The following C5 variants were observed in gnomAD, a reference collection of about 807,000 sequenced individuals.
The protein encoded by C5 is complement C5.
C5 carries 140 observed loss-of-function variants against 218.8 expected under a neutral mutation model. The ratio of observed to expected loss-of-function variants is 0.64; its 90% CI spans 0.56 to 0.74. The LOEUF is 0.74. Ranked by LOEUF, C5 falls within the 30% of genes least tolerant of loss-of-function variation. The probability of loss-of-function intolerance (pLI) is 0.00; values close to 1 mark genes in which losing one functional copy is unlikely to be tolerated. For synonymous variants in C5, 614 were observed against 682.3 expected (o/e 0.90, Z 1.56); for missense variants, 1,700 against 1,969.6 (o/e 0.86, Z 2.59).
At position 121,050,223 on chromosome 9, in the gene C5, A is replaced by C; in HGVS notation, c.24T>G (p.Cys8Trp). The C allele has an allele frequency of 6.2e-7, 1 of 1,613,988 alleles. No homozygotes were observed. The highest frequency in any genetic ancestry group is 8.5e-7 in the Non-Finnish European group (1 of 1,179,864). Residue 8 changes from cysteine to tryptophan, a missense_variant, in exon 1 of 41, where the codon TGT becomes TGG. Cys to Trp is a radical substitution (Grantham distance 215). Transcript: ENST00000223642. MGLLGIL[C>W]FLIFLGKTWG... ...AGGTTTTCCCCAGGAAGATTAAAAA[A>C]CAAAGTATTCCCAAAAGGCCCATGG...
chr9:121,045,190 C>T (rs538177802), intron 2 of C5, among the ~76,000 whole-genome samples: 1 of 152,100 alleles, frequency 6.6e-6, no homozygotes, highest in East Asian at 1.9e-4. Flanking sequence ...GCATTTACTG[C>T]TAAGAACATT....
At position 120,963,043 on chromosome 9, in the gene C5, T is replaced by A; in HGVS notation, c.4324-76A>T. The A allele has an allele frequency of 4.6e-6, 5 of 1,076,896 alleles. 1 individual carries two copies. The highest frequency in any genetic ancestry group is 2.5e-5 in the South Asian group (2 of 80,446). The allele number at this position is 1,076,896 out of a possible 1,614,324, so 66.7% of individuals were successfully genotyped here. On this transcript the variant is annotated intron_variant, in intron 34 of 40. Coordinates refer to ENST00000223642, the MANE Select transcript of C5 (RefSeq NM_001735.3). ...TAAATGCATTCACCTGTTGATGAGA[T>A]AGCACAATGCAGGGATGTGATCTGT...
Position 121,027,210 on chromosome 9 carries a change from A to C in C5, c.823T>G (p.Leu275Val). The change falls in exon 8 of 41, where the codon TTA becomes GTA. Residue 275 changes from leucine (L) to valine (V), a missense_variant. By Grantham distance (32) the Leu-to-Val change is conservative (BLOSUM62 1). Coordinates refer to ENST00000223642, the MANE Select transcript of C5 (RefSeq NM_001735.3). ...ATCATTTCTTTTTGATCATCTTTTA[A>C]GTCTTCTCTTATTCCAAATGTGATA... ...VYITFGIRED[L>V]KDDQKEMMQT... 1 of 1,604,108 alleles carries C rather than the reference A, an allele frequency of 6.2e-7. No homozygotes were observed. Among genetic ancestry groups the C allele is most frequent in the African/African-American group, 1.3e-5 (1 of 74,908 alleles).
intron 5 of C5, 145 bp downstream of exon 5, chr9:121,034,658 T>G: frequency 1.7e-6 from 1 of 599,546 alleles, no homozygotes; most frequent in Non-Finnish European, 3.0e-6. Flanking sequence ...GAACAGAGCT[T>G]AAGTTCTTGC....
chr9:120,960,378 AG>A, intron 37 of C5, 41 bp from the exon 38 acceptor site: 1 of 1,315,576 alleles, frequency 7.6e-7, no homozygotes, highest in Non-Finnish European at 1.1e-6. Flanking sequence ...GTTAATGGAA[AG>A]AAGTAGACAC....
chr9:121,062,900 C>G, the C5 span, among the ~76,000 whole-genome samples: 49 of 152,144 alleles, frequency 3.2e-4, no homozygotes, highest in East Asian at 9.4e-3. Context: ...TCAAGATTAT[C>G]TCTTCATCTT....
intron 34 of C5, 132 bp downstream of exon 34, chr9:120,963,504 C>CA (rs111500884): frequency 0.055 from 33,227 of 603,974 alleles, 2 homozygotes; most frequent in East Asian, 0.093. Context: ...AATCCACCTC[C>CA]AAAAAAAAAA....
At position 120,970,190 on chromosome 9, in the gene C5, AT is replaced by A; in HGVS notation, c.4141del (p.Ile1381SerfsTer22). 1 of 1,613,080 alleles carries A rather than the reference AT, an allele frequency of 6.2e-7. No homozygotes were observed. Among genetic ancestry groups the A allele is most frequent in the Non-Finnish European group, 8.5e-7 (1 of 1,179,162 alleles). Reference protein sequence around the residue: ...SEEVCSFYLKIDTQDIEASHY... With the variant: ...SEEVCSFYLKXDTQDIEASHY... ...TTTACCTTCAATATCCTGAGTATCG[AT>A]TTTCAAATAAAAGCTGCAAACTTCC... On this transcript the variant is annotated frameshift_variant, in exon 32 of 41. Coordinates refer to ENST00000223642, the MANE Select transcript of C5 (RefSeq NM_001735.3). LOFTEE classifies it high-confidence loss of function.
At chr9:120,985,998 T>C (rs2047030064) in intron 25 of C5, among the ~76,000 whole-genome samples, 1 of 152,188 alleles carries the variant, frequency 6.6e-6, no homozygotes, top group Admixed American at 6.5e-5. Context: ...TGCTGACCTG[T>C]ACGTAGCTAA....
At chr9:121,031,043 C>A (rs984053693) in intron 6 of C5, among the ~76,000 whole-genome samples, 3 of 152,000 alleles carry the variant, frequency 2.0e-5, no homozygotes, top group African/African-American at 7.2e-5. Context: ...AGCCTGTAAT[C>A]TTTAAGGTTG....
chr9:121,035,864 G>A lies in C5; in HGVS notation c.493-970C>T, dbSNP rs564675343. Among the ~76,000 whole-genome samples the A allele has an allele frequency of 9.2e-5, 14 of 152,068 alleles. No individual in the cohort carries two copies. The East Asian group carries it at 2.5e-3, about 27-fold the overall frequency. On this transcript the variant is annotated intron_variant, in intron 4 of 40. Coordinates refer to ENST00000223642, the MANE Select transcript of C5 (RefSeq NM_001735.3). ...GTGCTGGGATTACAATTACAGGCAT[G>A]AGTCACTGACCAGCCTACAAAAAAA...
intron 25 of C5, among the ~76,000 whole-genome samples, chr9:120,987,886 G>A (rs2047045955): frequency 6.6e-6 from 1 of 151,912 alleles, no homozygotes; most frequent in African/African-American, 2.4e-5. Context: ...CTTGCCTCCT[G>A]GGTTTAAGTG....
intron 39 of C5, 107 bp downstream of exon 39, chr9:120,957,178 C>T: frequency 3.7e-6 from 3 of 802,184 alleles, no homozygotes. Flanking sequence ...AAGGCAAGAG[C>T]TCTGTCTTAT....
chr9:120,965,344 A>C (rs2046859206), intron 33 of C5, among the ~76,000 whole-genome samples: 2 of 151,988 alleles, frequency 1.3e-5, no homozygotes, highest in Non-Finnish European at 2.9e-5. Context: ...ACATGGTGAA[A>C]CCACTTCTCT....
At chr9:121,020,265 T>G in intron 11 of C5, 86 bp from the exon 12 acceptor site, 1 of 1,081,880 alleles carries the variant, frequency 9.2e-7, no homozygotes, top group Admixed American at 1.8e-5. Flanking sequence ...TTCCTTGCTT[T>G]ATAAATTTCT....
chr9:121,027,036 T>C, intron 8 of C5, 124 bp downstream of exon 8: 1 of 699,048 alleles, frequency 1.4e-6, no homozygotes, highest in Non-Finnish European at 2.6e-6. Flanking sequence ...GGGAAGCCAA[T>C]GGAGGATTTT....
Position 121,017,682 on chromosome 9 carries a change from G to T in C5, c.1677C>A (p.Val559=). 1 of 1,613,668 alleles carries T rather than the reference G, an allele frequency of 6.2e-7. No individual in the cohort carries two copies. The highest frequency in any genetic ancestry group is 8.5e-7 in the Non-Finnish European group (1 of 1,179,850). Residue 559 remains valine (V), a synonymous_variant, in exon 13 of 41, where the codon GTC becomes GTA. Transcript: ENST00000223642. ...CACATTTTTCTTCAATATTTAACCA[G>T]ACTGAATCAGACACTAATTCTGCTG... ...EQTAELVSDS[V]WLNIEEKCGN...
chr9:121,048,979 T>C (rs1174667584), intron 1 of C5, among the ~76,000 whole-genome samples: 1 of 152,222 alleles, frequency 6.6e-6, no homozygotes, highest in Non-Finnish European at 1.5e-5. Context: ...ACTACCTACC[T>C]GACCTTACAC....
At chr9:121,025,423 C>T (rs1587987622) in intron 9 of C5, 31 bp downstream of exon 9, 1 of 1,553,730 alleles carries the variant, frequency 6.4e-7, no homozygotes, top group Non-Finnish European at 8.7e-7. Flanking sequence ...AAAGTATACA[C>T]ACACACACAC....
Sources: gnomAD v4.1 joint callset for allele counts (sites outside exome capture counted in the v4.1 genomes callset) on GRCh38, gnomAD v4.1.1 for gene constraint, MANE v1.5 for transcripts, NCBI Gene and HGNC (gene_info 2026-07-23, HGNC 2026-07-21) for gene names.